CENPP: variants seen among roughly 807,000 people sequenced by gnomAD.
The protein encoded by CENPP is centromere protein P.
CENPP carries 24 observed loss-of-function variants against 35.6 expected under a neutral mutation model. That is an observed-to-expected ratio of 0.67 (90% CI 0.49 to 0.95). The LOEUF is 0.95. CENPP is among the 40% of genes least tolerant of loss of function. The pLI, the probability that CENPP is intolerant of heterozygous loss-of-function variation, is 0.00. For missense variants in CENPP, 332 were observed against 345.3 expected (o/e 0.96, Z 0.31); for synonymous variants, 120 against 125.5 (o/e 0.96, Z 0.29).
At position 92,619,273 on chromosome 9, in the gene CENPP, G is replaced by C; in HGVS notation, c.*6124G>C. On this transcript the variant is annotated 3_prime_UTR_variant, in exon 8 of 8. Coordinates refer to ENST00000375587, the MANE Select transcript of CENPP (RefSeq NM_001012267.3). Reference sequence around the variant, plus strand: ...TTCAATGTACTAACAATCCTTTTAAGTTATTCTCCATAAATCTGTCTTTTG... The same window carrying C: ...TTCAATGTACTAACAATCCTTTTAACTTATTCTCCATAAATCTGTCTTTTG... 2 of 546,010 alleles carry C rather than the reference G, an allele frequency of 3.7e-6. No individual in the cohort carries two copies. Among genetic ancestry groups the C allele is most frequent in the East Asian group, 2.9e-5 (1 of 34,486 alleles). 33.8% of individuals were successfully genotyped at this position (546,010 alleles called of 1,614,324 possible). A position where few individuals can be genotyped will look rare whatever the true frequency, so the allele number is the denominator to read the frequency against.
intron 5 of CENPP, among the ~76,000 whole-genome samples, chr9:92,448,222 A>G (rs1844601855): frequency 6.6e-6 from 1 of 152,040 alleles, no homozygotes; most frequent in African/African-American, 2.4e-5. Context: ...CACGTGGGAG[A>G]TGGAGTTAGT....
chr9:92,420,303 C>A (rs1026498365), intron 5 of CENPP, among the ~76,000 whole-genome samples: 1 of 152,156 alleles, frequency 6.6e-6, no homozygotes, highest in African/African-American at 2.4e-5. Context: ...ATTGTCAGTT[C>A]CTTCTTACCA....
At chr9:92,529,503 C>T (rs374009494) in intron 5 of CENPP, among the ~76,000 whole-genome samples, 3 of 152,072 alleles carry the variant, frequency 2.0e-5, no homozygotes, top group African/African-American at 7.2e-5. Flanking sequence ...AAAACCTGCA[C>T]GCAGATATGT....
At chr9:92,452,686 C>T (rs967831153) in intron 5 of CENPP, among the ~76,000 whole-genome samples, 2 of 152,296 alleles carry the variant, frequency 1.3e-5, no homozygotes, top group African/African-American at 4.8e-5. Flanking sequence ...ACCAGTTCCT[C>T]CTTGTAGCTC....
intron 5 of CENPP, among the ~76,000 whole-genome samples, chr9:92,553,816 A>T (rs1032782259): frequency 6.6e-6 from 1 of 152,090 alleles, no homozygotes; most frequent in Non-Finnish European, 1.5e-5. Flanking sequence ...AGCTTTCTGG[A>T]GGAGTCCTTA....
intron 4 of CENPP, among the ~76,000 whole-genome samples, chr9:92,362,769 A>C (rs1207182840): frequency 6.6e-6 from 1 of 152,184 alleles, no homozygotes; most frequent in Non-Finnish European, 1.5e-5. Flanking sequence ...CAACTCTAGC[A>C]CTTCCTCCAC....
At chr9:92,354,825 A>C (rs1564275297) in intron 4 of CENPP, among the ~76,000 whole-genome samples, 1 of 152,142 alleles carries the variant, frequency 6.6e-6, no homozygotes, top group Non-Finnish European at 1.5e-5. Context: ...AAAGAGTAAA[A>C]AGAGAGGAAT....
intron 5 of CENPP, among the ~76,000 whole-genome samples, chr9:92,566,931 G>A (rs188712902): frequency 1.3e-5 from 2 of 152,306 alleles, no homozygotes; most frequent in East Asian, 3.9e-4. Context: ...AGAGAAACTT[G>A]AAAGCAGCAA....
At chr9:92,374,804 A>G (rs1258504109) in intron 4 of CENPP, among the ~76,000 whole-genome samples, 2 of 152,172 alleles carry the variant, frequency 1.3e-5, no homozygotes, top group East Asian at 1.9e-4. Flanking sequence ...ATTTCTATAT[A>G]TGGTTTTCAG....
intron 5 of CENPP, among the ~76,000 whole-genome samples, chr9:92,451,124 T>G (rs1321410377): frequency 2.1e-4 from 30 of 143,212 alleles, no homozygotes; most frequent in Middle Eastern, 3.8e-3. Context: ...GTCAATTTTG[T>G]CTTTTGTTGC....
chr9:92,433,942 G>A (rs1844183235), intron 5 of CENPP, among the ~76,000 whole-genome samples: 1 of 151,766 alleles, frequency 6.6e-6, no homozygotes, highest in African/African-American at 2.4e-5. Context: ...AAAAAAAAAA[G>A]TATACATTTT....
chr9:92,595,750 C>T (rs1850765504), intron 5 of CENPP, among the ~76,000 whole-genome samples: 1 of 151,722 alleles, frequency 6.6e-6, no homozygotes. Flanking sequence ...TTAGTAGAGA[C>T]AGGGTTTCAC....
chr9:92,555,322 G>A (rs1020415189), intron 5 of CENPP, among the ~76,000 whole-genome samples: 1 of 143,014 alleles, frequency 7.0e-6, no homozygotes, highest in Non-Finnish European at 1.5e-5. Context: ...TGCCTCCCAG[G>A]TTCAAGCGAT....
At chr9:92,499,753 T>A (rs948183794) in intron 5 of CENPP, among the ~76,000 whole-genome samples, 2 of 152,220 alleles carry the variant, frequency 1.3e-5, no homozygotes, top group African/African-American at 4.8e-5. Context: ...TTTGTCTTTG[T>A]AGGCATTTAG....
intron 5 of CENPP, among the ~76,000 whole-genome samples, chr9:92,534,174 G>C (rs959331973): frequency 6.6e-6 from 1 of 152,076 alleles, no homozygotes; most frequent in Admixed American, 6.5e-5. Context: ...CAGAGTGTCT[G>C]TCCCACCAGG....
rs1201537474 is a variant in CENPP at position 92,619,413 on chromosome 9, C to G, written c.*6264C>G. 1 of 1,217,394 alleles carries G rather than the reference C, an allele frequency of 8.2e-7. No individual in the cohort carries two copies. Among genetic ancestry groups the G allele is most frequent in the Non-Finnish European group, 1.2e-6 (1 of 844,434 alleles). The allele number at this position is 1,217,394 out of a possible 1,614,324, so 75.4% of individuals were successfully genotyped here. On this transcript the variant is annotated 3_prime_UTR_variant, in exon 8 of 8. Transcript: ENST00000375587. ...TCTAAATATGGGGAAACCAACTATC[C>G]TATTAACAATTCACCAACTGTCCAT...
At position 92,619,933 on chromosome 9, in the gene CENPP, G is replaced by A; in HGVS notation, c.*6784G>A. The A allele has an allele frequency of 6.9e-6, 2 of 290,546 alleles. No individual in the cohort carries two copies. The highest frequency in any genetic ancestry group is 8.7e-5 in the South Asian group (2 of 22,968). The allele number at this position is 290,546 out of a possible 1,614,324, so 18.0% of individuals were successfully genotyped here. On this transcript the variant is annotated 3_prime_UTR_variant, in exon 8 of 8. Coordinates refer to ENST00000375587, the MANE Select transcript of CENPP (RefSeq NM_001012267.3). ...GCCCCGCATGTTGGCCACACTCAGA[G>A]TATCAAGTGAGTATCACTCGACACC... is the stretch of plus-strand genomic sequence containing the variant.
intron 5 of CENPP, among the ~76,000 whole-genome samples, chr9:92,539,892 T>C (rs915061953): frequency 6.6e-6 from 1 of 152,178 alleles, no homozygotes; most frequent in African/African-American, 2.4e-5. Context: ...CCCCCTCAAA[T>C]AGAATGGGCT....
chr9:92,453,107 T>A lies in CENPP; in HGVS notation c.564+73248T>A, dbSNP rs1244667470. On this transcript the variant is annotated intron_variant, in intron 5 of 7. Transcript: ENST00000375587. ...TTTATGTCTCTATTTCCTTCAGTTC[T>A]GCTCTGATTTTAGTTATTTCTTGCC... Among the ~76,000 whole-genome samples, 12 of 152,196 alleles carry A rather than the reference T, an allele frequency of 7.9e-5. No homozygotes were observed. In the East Asian group the frequency reaches 2.3e-3, roughly 29 times the overall value.
Sources: gnomAD v4.1 joint callset for allele counts (sites outside exome capture counted in the v4.1 genomes callset) on GRCh38, gnomAD v4.1.1 for gene constraint, MANE v1.5 for transcripts, NCBI Gene and HGNC (gene_info 2026-07-23, HGNC 2026-07-21) for gene names.